SLC25A26: variants seen among roughly 807,000 people sequenced by gnomAD.
SLC25A26 encodes the protein solute carrier family 25 member 26, also known as mitochondrial S-adenosylmethionine carrier protein.
Under a neutral mutation model 37.8 loss-of-function variants are expected in SLC25A26, and 36 were observed. That is an observed-to-expected ratio of 0.95 (90% CI 0.73 to 1.26). The LOEUF (loss-of-function observed/expected upper bound fraction) is 1.26, where lower values mean the gene tolerates loss of function less well. Ranked by LOEUF, SLC25A26 falls within the 50% of genes most tolerant of loss-of-function variation. The probability of loss-of-function intolerance (pLI) is 0.00; values close to 1 mark genes in which losing one functional copy is unlikely to be tolerated. For synonymous variants in SLC25A26, 129 were observed against 122.5 expected, an observed-to-expected ratio of 1.05 and a Z score of -0.35; for missense variants, 390 against 331.1, an observed-to-expected ratio of 1.18 and a Z score of -1.38.
At chr3:66,259,930 A>T (rs369407306) in intron 3 of SLC25A26, among the ~76,000 whole-genome samples, 25 of 152,212 alleles carry the variant, frequency 1.6e-4, no homozygotes, top group African/African-American at 6.0e-4. Flanking sequence ...TGCTTTGGTA[A>T]TACGGAATGG....
chr3:66,221,458 G>T (rs1296883988), intron 1 of SLC25A26, among the ~76,000 whole-genome samples: 2 of 152,094 alleles, frequency 1.3e-5, no homozygotes, highest in Non-Finnish European at 1.5e-5. Context: ...GAGATCTTGG[G>T]AATTAAAGAA....
rs1462130606 is a variant in SLC25A26 at position 66,236,583 on chromosome 3, T to C, written c.73T>C (p.Phe25Leu). The C allele has an allele frequency of 6.7e-7, 1 of 1,497,584 alleles. No homozygotes were observed. The highest frequency in any genetic ancestry group is 1.3e-5 in the South Asian group (1 of 78,082). The allele number at this position is 1,497,584 out of a possible 1,614,324, so 92.8% of individuals were successfully genotyped here. A position where few individuals can be genotyped will look rare whatever the true frequency, so the allele number is the denominator to read the frequency against. Residue 25 changes from phenylalanine to leucine, a missense_variant, in exon 2 of 10, where the codon TTT becomes CTT. Phe to Leu is a conservative substitution (Grantham distance 22). Transcript: ENST00000354883. ...VAGVSVDLIL[F>L]PLDTIKTRLQ... ...AGGTGTTTCTGTTGACTTGATATTA[T>C]TTCCTCTGGATACCATTAAAACCAG...
In SLC25A26 at chr3:66,370,535, T is replaced by G. The variant is rs764220299; in HGVS notation, c.640T>G (p.Ser214Ala). 6.2e-7 allele frequency: 1 copy of G among 1,613,750 alleles called. No individual in the cohort carries two copies. The highest frequency in any genetic ancestry group is 8.5e-7 in the Non-Finnish European group (1 of 1,179,766). Residue 214 changes from serine (S) to alanine (A), a missense_variant, in exon 9 of 10, where the codon TCC becomes GCC. By Grantham distance (99) the Ser-to-Ala change is moderately conservative. Coordinates refer to ENST00000354883, the MANE Select transcript of SLC25A26 (RefSeq NM_001379210.1). ...KTRITLAKAG[S>A]STADGNVLSV... ...TCTTTGTCTGTTCACACAGGCTGGCTCCAGCACTGCTGATGGGAATGTGCT... is the reference window on the plus strand; with the variant it reads ...TCTTTGTCTGTTCACACAGGCTGGCGCCAGCACTGCTGATGGGAATGTGCT...
chr3:66,262,222 T>A, intron 4 of SLC25A26, 67 bp downstream of exon 4: 1 of 793,866 alleles, frequency 1.3e-6, no homozygotes, highest in Non-Finnish European at 2.0e-6. Context: ...ACGAACACTG[T>A]GGATTTCATC....
intron 6 of SLC25A26, among the ~76,000 whole-genome samples, chr3:66,354,690 A>G (rs774388350): frequency 1.3e-5 from 2 of 152,194 alleles, no homozygotes; most frequent in African/African-American, 2.4e-5. Context: ...GTCTGCAGTT[A>G]TACCATTTCA....
intron 3 of SLC25A26, among the ~76,000 whole-genome samples, chr3:66,259,119 C>G (rs2073421025): frequency 6.6e-6 from 1 of 152,078 alleles, no homozygotes; most frequent in Non-Finnish European, 1.5e-5. Context: ...CTTTGTTTTT[C>G]CTAACTGGGA....
intron 5 of SLC25A26, among the ~76,000 whole-genome samples, chr3:66,278,994 AT>A (rs1039283844): frequency 6.6e-6 from 1 of 151,580 alleles, no homozygotes; most frequent in Non-Finnish European, 1.5e-5. Context: ...CTAAGGCTGT[AT>A]TTTTTTTTGT....
chr3:66,239,467 T>A lies in SLC25A26; in HGVS notation c.190+2767T>A, dbSNP rs145455292. On this transcript the variant is annotated intron_variant, in intron 2 of 9. Transcript: ENST00000354883. ...CCTTTCTGCTCAATAATTTACTTAA[T>A]GGCAGCTGGGAACTTGTTTACTGAC... is the stretch of plus-strand genomic sequence containing the variant. Among the ~76,000 whole-genome samples, 3 of 152,346 alleles carry A rather than the reference T, an allele frequency of 2.0e-5. No homozygotes were observed. In the South Asian group the frequency reaches 6.2e-4, roughly 32 times the overall value.
chr3:66,221,272 G>A, intron 1 of SLC25A26, 145 bp downstream of exon 1: 1 of 871,222 alleles, frequency 1.1e-6, no homozygotes, highest in Non-Finnish European at 1.7e-6. Flanking sequence ...GAGGGAGCAC[G>A]AGGCTCCCAG....
At chr3:66,209,072 AC>A (rs2071231539) in intron 1 of SLC25A26, among the ~76,000 whole-genome samples, 5 of 26,520 alleles carry the variant, frequency 1.9e-4, no homozygotes, top group Admixed American at 1.8e-3. Flanking sequence ...ATATACACAC[AC>A]ACACCCATAT....
intron 6 of SLC25A26, among the ~76,000 whole-genome samples, chr3:66,355,238 G>T (rs1429180532): frequency 6.6e-6 from 1 of 151,920 alleles, no homozygotes; most frequent in Non-Finnish European, 1.5e-5. Flanking sequence ...ACAATCATTA[G>T]TTCAAGATTT....
intron 5 of SLC25A26, among the ~76,000 whole-genome samples, chr3:66,340,013 C>T (rs1022416973): frequency 1.3e-5 from 2 of 151,272 alleles, no homozygotes; most frequent in African/African-American, 4.9e-5. Context: ...GTTCTTTCAT[C>T]CACTTTAATT....
Position 66,378,595 on chromosome 3 carries a change from A to C in SLC25A26, c.*788A>C, listed in dbSNP as rs1700822110. Reference sequence around the variant, plus strand: ...CAGGATGAAATGGAAAGGTCACCACACTTAGGGATTTTAGACCTTGACTAA... The same window carrying C: ...CAGGATGAAATGGAAAGGTCACCACCCTTAGGGATTTTAGACCTTGACTAA... On this transcript the variant is annotated 3_prime_UTR_variant, in exon 10 of 10. Transcript: ENST00000354883. The C allele has an allele frequency of 1.3e-5, 2 of 152,440 alleles. No individual in the cohort carries two copies. 9.4% of individuals were successfully genotyped at this position (152,440 alleles called of 1,614,324 possible).
chr3:66,362,249 G>A (rs540506451), intron 6 of SLC25A26, among the ~76,000 whole-genome samples: 1 of 152,270 alleles, frequency 6.6e-6, no homozygotes, highest in Admixed American at 6.5e-5. Flanking sequence ...AATGTTCATG[G>A]TGGCTTTATT....
chr3:66,355,689 G>T (rs2076558681), intron 6 of SLC25A26, among the ~76,000 whole-genome samples: 1 of 152,320 alleles, frequency 6.6e-6, no homozygotes, highest in South Asian at 2.1e-4. Flanking sequence ...CTGATTGAAT[G>T]ATAAAATTAT....
chr3:66,305,160 G>C (rs990839713), intron 5 of SLC25A26, among the ~76,000 whole-genome samples: 6 of 152,148 alleles, frequency 3.9e-5, no homozygotes, highest in African/African-American at 1.2e-4. Flanking sequence ...AGTTTCTCAT[G>C]CCTTTCTTTG....
At position 66,221,130 on chromosome 3, in the gene SLC25A26, G is replaced by C; in HGVS notation, c.33+3G>C. On this transcript the variant is annotated splice_donor_region_variant and intron_variant, in intron 1 of 9. Transcript: ENST00000354883. Reference sequence around the variant, plus strand: ...CGGGGTTCGTGGCAGCGCTGGTGGTGAGTGCGGGGCGGTGGGGTGGGTTGC... The same window carrying C: ...CGGGGTTCGTGGCAGCGCTGGTGGTCAGTGCGGGGCGGTGGGGTGGGTTGC... 1 of 1,529,718 alleles carries C rather than the reference G, an allele frequency of 6.5e-7. No individual in the cohort carries two copies. The highest frequency in any genetic ancestry group is 8.7e-7 in the Non-Finnish European group (1 of 1,143,770). 94.8% of individuals were successfully genotyped at this position (1,529,718 alleles called of 1,614,324 possible).
At chr3:66,193,703 A>G (rs2070989177) in intron 1 of SLC25A26, among the ~76,000 whole-genome samples, 1 of 152,220 alleles carries the variant, frequency 6.6e-6, no homozygotes, top group Non-Finnish European at 1.5e-5. Context: ...AAGAACTTTT[A>G]GATGCTTTGC....
At chr3:66,205,700 A>G (rs1454075700) in intron 1 of SLC25A26, among the ~76,000 whole-genome samples, 1 of 152,196 alleles carries the variant, frequency 6.6e-6, no homozygotes, top group Non-Finnish European at 1.5e-5. Flanking sequence ...CCTCTTCCTG[A>G]TAAGTGGAGG....
Sources: gnomAD v4.1 joint callset for allele counts (sites outside exome capture counted in the v4.1 genomes callset) on GRCh38, gnomAD v4.1.1 for gene constraint, MANE v1.5 for transcripts, NCBI Gene and HGNC (gene_info 2026-07-23, HGNC 2026-07-21) for gene names.